Variants in OSBP2 observed in about 807,000 individuals in gnomAD.
The protein encoded by OSBP2 is oxysterol binding protein 2, also known as oxysterol-binding protein 2.
In OSBP2, 66 loss-of-function variants were observed where a neutral mutation model predicts 96.0. The ratio of observed to expected loss-of-function variants is 0.69; its 90% CI spans 0.56 to 0.84. The LOEUF (loss-of-function observed/expected upper bound fraction) is 0.84, where lower values mean the gene tolerates loss of function less well. Ranked by LOEUF, OSBP2 falls within the 40% of genes least tolerant of loss-of-function variation. The pLI is 0.00. For missense variants in OSBP2, 1,038 were observed against 1,222.7 expected (o/e 0.85, Z 2.25); for synonymous variants, 525 against 520.9 (o/e 1.01, Z -0.11).
intron 2 of OSBP2, among the ~76,000 whole-genome samples, chr22:30,801,826 TC>T (rs1469624251): frequency 6.6e-6 from 1 of 151,940 alleles, no homozygotes; most frequent in Non-Finnish European, 1.5e-5. Context: ...CAAAAAAAAA[TC>T]CTAGCTAGAT....
At chr22:30,853,575 CTTT>C (rs1243996231) in intron 2 of OSBP2, among the ~76,000 whole-genome samples, 1 of 151,912 alleles carries the variant, frequency 6.6e-6, no homozygotes, top group African/African-American at 2.4e-5. Flanking sequence ...ATGAATCTTC[CTTT>C]TTTTATCCAG....
In OSBP2 at chr22:30,905,922, C is replaced by A. The variant is rs1313432337; in HGVS notation, c.2461C>A (p.Arg821Ser). The A allele has an allele frequency of 1.9e-6, 3 of 1,612,898 alleles. No individual in the cohort carries two copies. The highest frequency in any genetic ancestry group is 2.5e-6 in the Non-Finnish European group (3 of 1,179,634). Reference sequence around the variant, plus strand: ...GGAGGGCGTAGCGCCAACCGACAGCCGCCTGCGGCCCGACCAGCGGCTGAT... The same window carrying A: ...GGAGGGCGTAGCGCCAACCGACAGCAGCCTGCGGCCCGACCAGCGGCTGAT... The part of the protein sequence containing the change: ...HEEGVAPTDS[R>S]LRPDQRLMEK... Residue 821 changes from arginine to serine, a missense_variant, in exon 13 of 14, where the codon CGC (arginine) becomes AGC (serine). Physicochemically the swap from Arg to Ser is moderately radical, Grantham distance 110 (BLOSUM62 -1). This residue lies in a region of OSBP2 where 737 missense variants were observed against 913.3 expected (regional missense o/e 0.81). Transcript: ENST00000332585.
At chr22:30,728,053 G>A (rs1018420711) in intron 1 of OSBP2, among the ~76,000 whole-genome samples, 5 of 148,706 alleles carry the variant, frequency 3.4e-5, no homozygotes, top group African/African-American at 1.2e-4. Context: ...GCCATGAGCC[G>A]AGATCACACC....
chr22:30,694,838 GC>G, upstream of OSBP2: 1 of 636,802 alleles, frequency 1.6e-6, no homozygotes, highest in Non-Finnish European at 2.0e-6. Context: ...ACGTGACTGC[GC>G]CCCCGGCCCC....
chr22:30,902,315 G>C, intron 12 of OSBP2: 1 of 1,591,236 alleles, frequency 6.3e-7, no homozygotes, highest in African/African-American at 1.3e-5. Context: ...TGTACGGGTA[G>C]TCAGAGACAA....
chr22:30,850,103 G>T (rs1305718017), intron 2 of OSBP2, among the ~76,000 whole-genome samples: 2 of 152,038 alleles, frequency 1.3e-5, no homozygotes, highest in African/African-American at 4.8e-5. Context: ...AGGAGTTTAA[G>T]TCCAGCCTGG....
At chr22:30,713,459 A>G (rs980440024) in intron 1 of OSBP2, among the ~76,000 whole-genome samples, 7 of 81,058 alleles carry the variant, frequency 8.6e-5, no homozygotes, top group Non-Finnish European at 1.8e-4. Context: ...TATTTTTAAA[A>G]TGTTATTTAT....
intron 2 of OSBP2, chr22:30,770,544 AG>A (rs972425711): frequency 3.3e-5 from 5 of 152,236 alleles, no homozygotes; most frequent in Non-Finnish European, 7.3e-5. Flanking sequence ...TTTACTAATT[AG>A]TTTTTTAAAA....
intron 13 of OSBP2, 40 bp downstream of exon 13, chr22:30,906,109 G>A (rs187922501): frequency 1.7e-5 from 28 of 1,602,738 alleles, no homozygotes; most frequent in Admixed American, 1.5e-4. Flanking sequence ...GGGGAGGAAA[G>A]GGGTGCCCGG....
At chr22:30,886,536 T>C (rs1017550479) in intron 3 of OSBP2, among the ~76,000 whole-genome samples, 1 of 152,160 alleles carries the variant, frequency 6.6e-6, no homozygotes, top group Non-Finnish European at 1.5e-5. Context: ...GCTCTGTGAA[T>C]AGAGATTCTT....
intron 2 of OSBP2, among the ~76,000 whole-genome samples, chr22:30,844,303 C>T (rs2038822423): frequency 6.6e-6 from 1 of 152,200 alleles, no homozygotes; most frequent in Non-Finnish European, 1.5e-5. Context: ...CAGGCGTTGA[C>T]TTCTCCTCTG....
At chr22:30,888,116 G>C in intron 4 of OSBP2, 107 bp from the exon 5 acceptor site, 1 of 745,846 alleles carries the variant, frequency 1.3e-6, no homozygotes, top group Non-Finnish European at 2.4e-6. Flanking sequence ...GAAGCAGGAG[G>C]GGAGTGAGGC....
intron 12 of OSBP2, chr22:30,902,255 A>G (rs1210858146): frequency 6.3e-7 from 1 of 1,579,706 alleles, no homozygotes; most frequent in Non-Finnish European, 8.7e-7. Context: ...ACCTTTTAAT[A>G]TGGTTCAGGG....
intron 2 of OSBP2, among the ~76,000 whole-genome samples, chr22:30,777,941 C>A (rs1026195338): frequency 7.9e-5 from 12 of 152,246 alleles, no homozygotes; most frequent in Non-Finnish European, 1.0e-4. Context: ...CTATTCACTT[C>A]AACTTGATTT....
chr22:30,889,320 G>A (rs2039890644), intron 6 of OSBP2, 86 bp downstream of exon 6: 4 of 1,464,810 alleles, frequency 2.7e-6, no homozygotes, highest in Admixed American at 1.8e-5. Flanking sequence ...AGAACTGGGG[G>A]CCAGCAGGCA....
At position 30,714,780 on chromosome 22, in the gene OSBP2, C is replaced by A. The variant is rs1371043804; in HGVS notation, c.644+19227C>A. ...TACAGGTGCCCACCACCATGCCTGGCTAATTTTTGTATTTTAGTAGAGATG... is the reference window on the plus strand; with the variant it reads ...TACAGGTGCCCACCACCATGCCTGGATAATTTTTGTATTTTAGTAGAGATG... On this transcript the variant is annotated intron_variant, in intron 1 of 13. Transcript: ENST00000332585. Among the ~76,000 whole-genome samples the A allele has an allele frequency of 2.6e-5, 4 of 152,192 alleles. No individual in the cohort carries two copies. In the East Asian group the frequency reaches 5.8e-4, roughly 22 times the overall value.
chr22:30,854,290 T>C (rs1350304377), intron 2 of OSBP2, among the ~76,000 whole-genome samples: 1 of 148,816 alleles, frequency 6.7e-6, no homozygotes, highest in Non-Finnish European at 1.5e-5. Flanking sequence ...TTTGTTTTCT[T>C]GCTTTATACA....
In OSBP2 at chr22:30,767,795, C is replaced by T. The variant is rs182689391; in HGVS notation, c.853+26426C>T. Among the ~76,000 whole-genome samples the T allele has an allele frequency of 3.9e-4, 60 of 152,186 alleles. No homozygotes were observed. The East Asian group carries it at 8.5e-3, about 22-fold the overall frequency. On this transcript the variant is annotated intron_variant, in intron 2 of 13. Coordinates refer to ENST00000332585, the MANE Select transcript of OSBP2 (RefSeq NM_030758.4). ...CTCTCAGTTGGGAGAGGATCCGGGC[C>T]CTTCTCAAGGAAGGAGGGCTGGGCG...
At chr22:30,895,136 C>A (rs752653525) in intron 12 of OSBP2, among the ~76,000 whole-genome samples, 3 of 152,144 alleles carry the variant, frequency 2.0e-5, no homozygotes, top group Middle Eastern at 3.2e-3. Flanking sequence ...AAGGCCCCCC[C>A]GCCATGCTGC....
Sources: allele counts gnomAD v4.1 joint callset (sites outside exome capture counted in the v4.1 genomes callset), GRCh38; gene constraint gnomAD v4.1.1; regional missense constraint gnomAD v4.1.1; transcripts MANE v1.5; gene names NCBI Gene and HGNC (gene_info 2026-07-23, HGNC 2026-07-21).